CCDC6: variants seen among roughly 807,000 people sequenced by gnomAD.
The protein encoded by CCDC6 is coiled-coil domain-containing protein 6.
Under a neutral mutation model 56.6 loss-of-function variants are expected in CCDC6, and 20 were observed. The ratio of observed to expected loss-of-function variants is 0.35; its 90% CI spans 0.25 to 0.51. CCDC6 has a LOEUF of 0.51. CCDC6 is among the 20% of genes least tolerant of loss of function. The probability of loss-of-function intolerance (pLI) is 0.95; values close to 1 mark genes in which losing one functional copy is unlikely to be tolerated. For synonymous variants in CCDC6, 241 were observed against 234.4 expected, an observed-to-expected ratio of 1.03 and a Z score of -0.26; for missense variants, 367 against 601.1, an observed-to-expected ratio of 0.61 and a Z score of 4.07.
intron 3 of CCDC6, among the ~76,000 whole-genome samples, chr10:59,830,469 A>G (rs1316464567): frequency 6.6e-6 from 1 of 152,222 alleles, no homozygotes; most frequent in East Asian, 1.9e-4. Flanking sequence ...TATCCCAGTC[A>G]CACCCAAAGC....
chr10:59,808,832 C>A (rs747076072), intron 5 of CCDC6, among the ~76,000 whole-genome samples: 9 of 152,180 alleles, frequency 5.9e-5, no homozygotes, highest in Non-Finnish European at 1.2e-4. Context: ...GATAAGTATT[C>A]AATGATTTCC....
chr10:59,839,458 AAAACAAC>A (rs545940364), intron 2 of CCDC6, among the ~76,000 whole-genome samples: 3 of 152,330 alleles, frequency 2.0e-5, no homozygotes, highest in Non-Finnish European at 4.4e-5. Flanking sequence ...GAGGATAAGC[AAAACAAC>A]GGTTGGGGGT....
At chr10:59,854,424 T>C (rs2071063821) in intron 1 of CCDC6, among the ~76,000 whole-genome samples, 1 of 152,082 alleles carries the variant, frequency 6.6e-6, no homozygotes, top group Non-Finnish European at 1.5e-5. Context: ...ACACAAACAG[T>C]GGAGGCTTTG....
intron 4 of CCDC6, among the ~76,000 whole-genome samples, chr10:59,814,165 A>T (rs1045740731): frequency 6.6e-6 from 1 of 152,222 alleles, no homozygotes; most frequent in African/African-American, 2.4e-5. Context: ...TTTTATATAA[A>T]GAATCCTAGC....
chr10:59,866,198 G>A (rs905168265), intron 1 of CCDC6, among the ~76,000 whole-genome samples: 2 of 152,182 alleles, frequency 1.3e-5, no homozygotes, highest in African/African-American at 4.8e-5. Flanking sequence ...CCCTGAAGGG[G>A]TATATAATCC....
chr10:59,851,460 G>T (rs1208346478), intron 2 of CCDC6, among the ~76,000 whole-genome samples: 2 of 152,086 alleles, frequency 1.3e-5, no homozygotes, highest in Admixed American at 1.3e-4. Context: ...TTTTGTGCAA[G>T]ATTAACAGTG....
At chr10:59,807,607 TA>T (rs1190086399) in intron 5 of CCDC6, among the ~76,000 whole-genome samples, 4 of 152,206 alleles carry the variant, frequency 2.6e-5, no homozygotes, top group Non-Finnish European at 5.9e-5. Context: ...GAAAAAAATA[TA>T]AAAGGCAGTG....
Position 59,792,179 on chromosome 10 carries a change from G to T in CCDC6, c.*738C>A. The T allele has an allele frequency of 4.1e-6, 1 of 243,054 alleles. No individual in the cohort carries two copies. Among genetic ancestry groups the T allele is most frequent in the Non-Finnish European group, 8.1e-6 (1 of 123,130 alleles). 15.1% of individuals were successfully genotyped at this position (243,054 alleles called of 1,614,324 possible). On this transcript the variant is annotated 3_prime_UTR_variant, in exon 9 of 9. Transcript: ENST00000263102. ...ACATTTATCGACTCATGTTAGAGGG[G>T]GCCAGGTTAAGTAGATTAACATTAA...
chr10:59,820,382 T>C (rs1174679560), intron 3 of CCDC6, among the ~76,000 whole-genome samples: 1 of 152,226 alleles, frequency 6.6e-6, no homozygotes, highest in Non-Finnish European at 1.5e-5. Flanking sequence ...TTATCATCAT[T>C]ACTATGGGAA....
chr10:59,797,719 T>A (rs1231212172), intron 7 of CCDC6, among the ~76,000 whole-genome samples: 1 of 138,794 alleles, frequency 7.2e-6, no homozygotes, highest in Admixed American at 7.4e-5. Context: ...GTCTCAGCCA[T>A]AACAGCAAAC....
rs1020197593 is a variant in CCDC6, at chr10:59,789,389, G to GC, written c.*3527dup. 8.7e-6 allele frequency: 2 copies of GC among 229,754 alleles called. No individual in the cohort carries two copies. The highest frequency in any genetic ancestry group is 1.3e-3 in the Middle Eastern group (1 of 760). 14.2% of individuals were successfully genotyped at this position (229,754 alleles called of 1,614,324 possible). A position where few individuals can be genotyped will look rare whatever the true frequency, so the allele number is the denominator to read the frequency against. ...AGAACTGCTGAGCATTCCAGAAAAT[G>GC]CCCCCCACGACTTTATGCTAACAGC... On this transcript the variant is annotated 3_prime_UTR_variant, in exon 9 of 9. Transcript: ENST00000263102.
At chr10:59,846,588 C>A (rs759306600) in intron 2 of CCDC6, among the ~76,000 whole-genome samples, 90 of 152,118 alleles carry the variant, frequency 5.9e-4, no homozygotes, top group Admixed American at 4.7e-3. Context: ...GTATTTCAAA[C>A]CATCAATGTG....
intron 1 of CCDC6, among the ~76,000 whole-genome samples, chr10:59,873,456 T>A (rs2071249859): frequency 6.6e-6 from 1 of 152,084 alleles, no homozygotes; most frequent in Non-Finnish European, 1.5e-5. Flanking sequence ...CACAGAAGGA[T>A]CTTCCCCGGC....
intron 2 of CCDC6, among the ~76,000 whole-genome samples, chr10:59,851,630 G>T (rs1282526641): frequency 6.6e-6 from 1 of 152,024 alleles, no homozygotes; most frequent in African/African-American, 2.4e-5. Flanking sequence ...AAGAACTTAG[G>T]AAGATTTTTT....
At position 59,793,012 on chromosome 10, in the gene CCDC6, G is replaced by A; in HGVS notation, c.1330C>T (p.Pro444Ser). ...TQTPVQPPPP[P>S]PPPPMQPTVP... is the part of the protein sequence containing the mutation. ...GTGGGCTGCATGGGTGGCGGAGGTG[G>A]AGGCGGAGGTGGCTGGACTGGGGTC... Residue 444 changes from proline to serine, a missense_variant, in exon 9 of 9, where the codon CCA becomes TCA. By Grantham distance (74) the Pro-to-Ser change is moderately conservative. Around this residue, in one of 7 missense-constraint regions of CCDC6, gnomAD observed 54 missense variants for 60.0 expected, o/e 0.90. Transcript: ENST00000263102. 1 of 1,611,142 alleles carries A rather than the reference G, an allele frequency of 6.2e-7. No homozygotes were observed. Among genetic ancestry groups the A allele is most frequent in the South Asian group, 1.1e-5 (1 of 90,956 alleles).
rs2070461659 is a variant in CCDC6 at position 59,790,917 on chromosome 10, C to A, written c.*2000G>T. The A allele has an allele frequency of 9.7e-6, 2 of 205,212 alleles. No homozygotes were observed. The highest frequency in any genetic ancestry group is 1.9e-4 in the South Asian group (1 of 5,286). The allele number at this position is 205,212 out of a possible 1,614,324, so 12.7% of individuals were successfully genotyped here. A position where few individuals can be genotyped will look rare whatever the true frequency, so the allele number is the denominator to read the frequency against. ...TTCTTGTTTGGGTGCAAGACACTAT[C>A]CACAGCATTGAAATCTATAATCTCA... On this transcript the variant is annotated 3_prime_UTR_variant, in exon 9 of 9. Coordinates refer to ENST00000263102, the MANE Select transcript of CCDC6 (RefSeq NM_005436.5).
intron 1 of CCDC6, among the ~76,000 whole-genome samples, chr10:59,897,021 T>C (rs1188481215): frequency 6.6e-6 from 1 of 152,178 alleles, no homozygotes; most frequent in Non-Finnish European, 1.5e-5. Flanking sequence ...AGTCTAACTC[T>C]ACTTTATGGA....
At chr10:59,813,858 T>C (rs1017780086) in intron 4 of CCDC6, among the ~76,000 whole-genome samples, 4 of 152,180 alleles carry the variant, frequency 2.6e-5, no homozygotes, top group Non-Finnish European at 4.4e-5. Context: ...ATTTTGCAAA[T>C]GTAGACATGA....
rs986852726 is a variant in CCDC6, at chr10:59,893,920, G to A, written c.303+12202C>T. Among the ~76,000 whole-genome samples, 9 of 152,070 alleles carry A rather than the reference G, an allele frequency of 5.9e-5. 1 individual carries two copies. In the South Asian group the frequency reaches 6.2e-4, roughly 11 times the overall value. On this transcript the variant is annotated intron_variant, in intron 1 of 8. Transcript: ENST00000263102. The stretch of plus-strand genomic sequence containing the variant: ...AATCCCCTGCTCTGCTGCTTACTGC[G>A]ATCTTCAAGGGGTTGCTGGGACTCC...
Sources: gnomAD v4.1 joint callset for allele counts (sites outside exome capture counted in the v4.1 genomes callset) on GRCh38, gnomAD v4.1.1 for gene constraint, gnomAD v4.1.1 regional missense constraint, MANE v1.5 for transcripts, NCBI Gene and HGNC (gene_info 2026-07-23, HGNC 2026-07-21) for gene names.